Variants in EBF3 observed in about 807,000 individuals in gnomAD.
EBF3 encodes the protein transcription factor COE3.
Under a neutral mutation model 77.1 loss-of-function variants are expected in EBF3, and 18 were observed. The ratio of observed to expected loss-of-function variants is 0.23; its 90% confidence interval spans 0.16 to 0.35. EBF3 has a LOEUF of 0.35. Among genes scored for constraint, EBF3 ranks in the 10% least tolerant of loss-of-function variants. The pLI, the probability that EBF3 is intolerant of heterozygous loss-of-function variation, is 1.00. For synonymous variants in EBF3, 350 were observed against 343.5 expected (o/e 1.02, Z -0.21); for missense variants, 558 against 860.0 (o/e 0.65, Z 4.39).
Position 129,867,916 on chromosome 10 carries a change from C to A in EBF3, c.782-4G>T. ...ATGGCCTTGATGCACGGAGTGGCTG[C>A]TCACACAAGACAGAGAAGGCAGACC... On this transcript the variant is annotated splice_region_variant and splice_polypyrimidine_tract_variant and intron_variant, in intron 8 of 16. Transcript: ENST00000440978. 6.2e-7 allele frequency: 1 copy of A among 1,613,824 alleles called. No individual in the cohort carries two copies. Among genetic ancestry groups the A allele is most frequent in the African/African-American group, 1.3e-5 (1 of 75,068 alleles).
chr10:129,840,113 A>G lies in EBF3; in HGVS notation c.1759+132T>C. On this transcript the variant is annotated intron_variant, in intron 15 of 16. Transcript: ENST00000440978. ...TGAACACCAGGCAGAGGTGGCACGC[A>G]TCAAGGTGGGCCACGGGAGAACATG... The G allele has an allele frequency of 3.3e-6, 4 of 1,205,874 alleles. No homozygotes were observed. The South Asian group carries it at 6.1e-5, about 18-fold the overall frequency. The allele number at this position is 1,205,874 out of a possible 1,614,324, so 74.7% of individuals were successfully genotyped here.
At chr10:129,865,025 C>T (rs185730754) in intron 10 of EBF3, among the ~76,000 whole-genome samples, 2 of 152,320 alleles carry the variant, frequency 1.3e-5, no homozygotes, top group Non-Finnish European at 2.9e-5. Flanking sequence ...ATGCCCAGGT[C>T]CCAGTCTGTC....
chr10:129,933,661 A>T (rs771826199), intron 6 of EBF3, among the ~76,000 whole-genome samples: 9 of 152,156 alleles, frequency 5.9e-5, no homozygotes, highest in Admixed American at 1.3e-4. Context: ...AATGTTTCCT[A>T]AGGCCCCATA....
chr10:129,904,864 G>GC (rs1220326737), intron 6 of EBF3, among the ~76,000 whole-genome samples: 1 of 152,188 alleles, frequency 6.6e-6, no homozygotes, highest in East Asian at 1.9e-4. Flanking sequence ...ACGAACAGAA[G>GC]CAACTCCTTA....
chr10:129,938,432 T>C lies in EBF3; in HGVS notation c.554+18826A>G, dbSNP rs1857508123. ...AGCCAGGCATGGTGGTGCACACCTG[T>C]AGTCCCTGCTACCAGGAGGCTGAGG... On this transcript the variant is annotated intron_variant, in intron 6 of 16. Transcript: ENST00000440978. The surrounding 1 kb of genome is among the most constrained non-coding windows in gnomAD (Gnocchi z 5.1). Among the ~76,000 whole-genome samples the C allele has an allele frequency of 6.6e-6, 1 of 150,674 alleles. No homozygotes were observed. The highest frequency in any genetic ancestry group is 1.5e-5 in the Non-Finnish European group (1 of 67,858).
intron 11 of EBF3, 150 bp from the exon 12 acceptor site, chr10:129,843,352 A>G (rs1336927843): frequency 1.4e-6 from 1 of 726,574 alleles, no homozygotes; most frequent in Non-Finnish European, 2.3e-6. Context: ...AGGCAGGCAC[A>G]GACAGGAAGG....
In EBF3 at chr10:129,963,591, G is replaced by A; in HGVS notation, c.134+44C>T. On this transcript the variant is annotated intron_variant, in intron 1 of 16. Coordinates refer to ENST00000440978, the MANE Select transcript of EBF3 (RefSeq NM_001375380.1). The surrounding 1 kb of genome is among the most constrained non-coding windows in gnomAD (Gnocchi z 7.1). ...CCGGCCGGCGGAGGGGGCCGGGCCG[G>A]GCCGGGGCCGGGGCCAGGGCGCGCG... 1 of 1,237,290 alleles carries A rather than the reference G, an allele frequency of 8.1e-7. No individual in the cohort carries two copies. Among genetic ancestry groups the A allele is most frequent in the Non-Finnish European group, 1.0e-6 (1 of 980,620 alleles). 76.6% of individuals were successfully genotyped at this position (1,237,290 alleles called of 1,614,324 possible).
chr10:129,932,173 T>C (rs971085636), intron 6 of EBF3, among the ~76,000 whole-genome samples: 8 of 152,220 alleles, frequency 5.3e-5, no homozygotes, highest in Admixed American at 1.3e-4. Flanking sequence ...TGGAAGTCAT[T>C]TGACTTTCTA....
chr10:129,882,046 T>C (rs1395979623), intron 6 of EBF3, among the ~76,000 whole-genome samples: 1 of 152,242 alleles, frequency 6.6e-6, no homozygotes, highest in African/African-American at 2.4e-5. Flanking sequence ...TGGAGCCCAA[T>C]CTAGGTATCA....
At chr10:129,941,648 G>T (rs1423720705) in intron 6 of EBF3, among the ~76,000 whole-genome samples, 1 of 152,252 alleles carries the variant, frequency 6.6e-6, no homozygotes, top group Non-Finnish European at 1.5e-5. Flanking sequence ...GTGGCAGTGA[G>T]GAGATGGCCA....
chr10:129,935,131 G>A lies in EBF3; in HGVS notation c.554+22127C>T, dbSNP rs974313886. On this transcript the variant is annotated intron_variant, in intron 6 of 16. Transcript: ENST00000440978. The surrounding 1 kb of genome is among the most constrained non-coding windows in gnomAD (Gnocchi z 4.2). ...TCCCTAAGAACCGGACCCTCTAGTG[G>A]ATCATGATGTGGATGCATTTTCCTG... is the stretch of plus-strand genomic sequence containing the variant. 1.3e-5 allele frequency among the ~76,000 whole-genome samples: 2 copies of A among 152,174 alleles called. No individual in the cohort carries two copies. The highest frequency in any genetic ancestry group is 2.9e-5 in the Non-Finnish European group (2 of 68,012).
Position 129,957,281 on chromosome 10 carries a change from G to A in EBF3, c.531C>T (p.Pro177=), listed in dbSNP as rs1216735561. 1.2e-6 allele frequency: 2 copies of A among 1,611,216 alleles called. No homozygotes were observed. The highest frequency in any genetic ancestry group is 8.5e-7 in the Non-Finnish European group (1 of 1,178,162). The change falls in exon 6 of 17, where the codon CCC becomes CCT. Residue 177 remains proline (P), a synonymous_variant. Transcript: ENST00000440978. ...ACCTGTCAATGATTACAGGGTCTGA[G>A]GGCGTTTCGTTTCTATTGCCACAAC... ...KKSCGNRNET[P]SDPVIIDRFF...
At chr10:129,893,596 A>C (rs1272625624) in intron 6 of EBF3, among the ~76,000 whole-genome samples, 2 of 152,150 alleles carry the variant, frequency 1.3e-5, no homozygotes, top group Non-Finnish European at 2.9e-5. Flanking sequence ...TTTGAAGAAA[A>C]TTTTTACCAG....
At position 129,844,797 on chromosome 10, in the gene EBF3, A is replaced by G. The variant is rs975103924; in HGVS notation, c.1129-1595T>C. ...GAATTAGACTTGTCATGAAGCAGGT[A>G]TAATCAATGAAAGGCCCAGCTGTCT... On this transcript the variant is annotated intron_variant, in intron 11 of 16. Coordinates refer to ENST00000440978, the MANE Select transcript of EBF3 (RefSeq NM_001375380.1). Among the ~76,000 whole-genome samples the G allele has an allele frequency of 5.3e-5, 8 of 152,314 alleles. No individual in the cohort carries two copies. The East Asian group carries it at 1.5e-3, about 29-fold the overall frequency.
intron 6 of EBF3, among the ~76,000 whole-genome samples, chr10:129,925,958 A>G (rs1308528390): frequency 6.6e-6 from 1 of 152,106 alleles, no homozygotes; most frequent in Non-Finnish European, 1.5e-5. Flanking sequence ...TGGAATCCCT[A>G]AACTGGAATT....
chr10:129,845,306 G>A lies in EBF3; in HGVS notation c.1129-2104C>T, dbSNP rs1196767792. 2.6e-5 allele frequency: 4 copies of A among 152,178 alleles called. 1 individual carries two copies. The highest frequency in any genetic ancestry group is 1.3e-4 in the Admixed American group (2 of 15,280). 9.4% of individuals were successfully genotyped at this position (152,178 alleles called of 1,614,324 possible). On this transcript the variant is annotated intron_variant, in intron 11 of 16. Coordinates refer to ENST00000440978, the MANE Select transcript of EBF3 (RefSeq NM_001375380.1). ...CCGAATGGTGTTTGAAAAGCATTTC[G>A]ATGGAAATTTCTTAGCCACAACCAT...
intron 6 of EBF3, among the ~76,000 whole-genome samples, chr10:129,922,281 T>A (rs1450235440): frequency 6.6e-6 from 1 of 151,758 alleles, no homozygotes; most frequent in Non-Finnish European, 1.5e-5. Context: ...GTGGGATGCA[T>A]CCCCCCAGCC....
chr10:129,852,033 G>A (rs746828431), intron 10 of EBF3, among the ~76,000 whole-genome samples: 98 of 152,252 alleles, frequency 6.4e-4, no homozygotes, highest in Non-Finnish European at 6.3e-4. Context: ...AGAATAGCCG[G>A]GAATCACATT....
At chr10:129,859,724 C>T (rs1851488970) in intron 10 of EBF3, among the ~76,000 whole-genome samples, 1 of 152,256 alleles carries the variant, frequency 6.6e-6, no homozygotes, top group African/African-American at 2.4e-5. Context: ...GTCACTGACC[C>T]AGCTGGCGGG....
Sources: gnomAD v4.1 joint callset for allele counts (sites outside exome capture counted in the v4.1 genomes callset) on GRCh38, gnomAD v4.1.1 for gene constraint, Gnocchi (gnomAD v3.1) non-coding constraint, MANE v1.5 for transcripts, NCBI Gene and HGNC (gene_info 2026-07-23, HGNC 2026-07-21) for gene names.